The following TENM3 variants were observed in gnomAD, a reference collection of about 807,000 sequenced individuals.
TENM3 encodes the protein teneurin transmembrane protein 3.
In TENM3, 63 loss-of-function variants were observed where a neutral mutation model predicts 255.1. The observed-to-expected ratio is 0.25, with a 90% CI of 0.20 to 0.30. The LOEUF (loss-of-function observed/expected upper bound fraction) is 0.30. Among genes scored for constraint, TENM3 ranks in the 10% least tolerant of loss-of-function variants. The probability of loss-of-function intolerance (pLI) is 1.00; values close to 1 mark genes in which losing one functional copy is unlikely to be tolerated. For synonymous variants in TENM3, 1,306 were observed against 1,322.3 expected (o/e 0.99, Z 0.27); for missense variants, 2,929 against 3,461.1 (o/e 0.85, Z 3.86).
chr4:181,760,540 T>TG, the TENM3 span, among the ~76,000 whole-genome samples: 2 of 152,138 alleles, frequency 1.3e-5, no homozygotes, highest in African/African-American at 4.8e-5. Context: ...TCTCCTAAGT[T>TG]GGGCCCATTA....
In TENM3 at chr4:182,717,081, A is replaced by G. The variant is rs141211000; in HGVS notation, c.2368+2848A>G. 6.5e-3 allele frequency among the ~76,000 whole-genome samples: 993 copies of G among 152,242 alleles called. 13 individuals carry two copies. The highest frequency in any genetic ancestry group is 0.023 in the African/African-American group (936 of 41,554). On this transcript the variant is annotated intron_variant, in intron 13 of 27. Transcript: ENST00000511685. ...ACTAAAGAAGTATCAAAAAATTTTA[A>G]AAGAGACATCCATCATATAGGGAGA...
intron 1 of TENM3, among the ~76,000 whole-genome samples, chr4:182,288,790 C>T (rs1005236747): frequency 1.3e-5 from 2 of 152,254 alleles, no homozygotes; most frequent in African/African-American, 2.4e-5. Flanking sequence ...TCAGCCTGGA[C>T]GACTCATGGA....
At chr4:182,470,541 G>A (rs1165638538) in intron 3 of TENM3, among the ~76,000 whole-genome samples, 1 of 152,114 alleles carries the variant, frequency 6.6e-6, no homozygotes, top group Non-Finnish European at 1.5e-5. Flanking sequence ...AAAGGAGAGG[G>A]AAAAACATAC....
intron 3 of TENM3, among the ~76,000 whole-genome samples, chr4:182,551,712 A>C (rs903262294): frequency 4.6e-5 from 7 of 152,118 alleles, no homozygotes; most frequent in Admixed American, 2.0e-4. Context: ...CTAAAGTTGC[A>C]TCTTTTACTG....
At chr4:181,454,666 T>TA in the TENM3 span, among the ~76,000 whole-genome samples, 25 of 151,916 alleles carry the variant, frequency 1.6e-4, no homozygotes, top group African/African-American at 5.1e-4. Flanking sequence ...TCTATGTTTT[T>TA]TATACCATTT....
chr4:182,431,814 C>T (rs1051177171), intron 3 of TENM3, among the ~76,000 whole-genome samples: 57 of 151,972 alleles, frequency 3.8e-4, no homozygotes, highest in African/African-American at 1.3e-3. Context: ...TAGTGGTTTA[C>T]ACCTGTAATC....
chr4:181,703,454 G>A, the TENM3 span, among the ~76,000 whole-genome samples: 8 of 152,138 alleles, frequency 5.3e-5, no homozygotes, highest in East Asian at 1.9e-4. Context: ...TCTAAGAGGG[G>A]AACTAGATAA....
the TENM3 span, among the ~76,000 whole-genome samples, chr4:181,574,550 A>C: frequency 1.4e-4 from 22 of 152,140 alleles, no homozygotes; most frequent in Non-Finnish European, 3.1e-4. Flanking sequence ...AAAAAAAAAA[A>C]AAATGTCTTC....
chr4:182,249,068 C>T lies in TENM3; in HGVS notation c.-76+5592C>T, dbSNP rs578088044. Among the ~76,000 whole-genome samples, 12 of 152,212 alleles carry T rather than the reference C, an allele frequency of 7.9e-5. No individual in the cohort carries two copies. In the South Asian group the frequency reaches 2.5e-3, roughly 32 times the overall value. On this transcript the variant is annotated intron_variant, in intron 1 of 27. Transcript: ENST00000511685. ...CCCTGTGAGGTGTATAGTTTTATTC[C>T]GATTTTGCAGATGAAGAAATTAAGA...
chr4:181,806,997 C>G, the TENM3 span, among the ~76,000 whole-genome samples: 1 of 151,844 alleles, frequency 6.6e-6, no homozygotes, highest in Non-Finnish European at 1.5e-5. Flanking sequence ...ATTAGTCACT[C>G]TTAACTTTCA....
intron 3 of TENM3, among the ~76,000 whole-genome samples, chr4:182,350,583 G>A (rs1367261442): frequency 6.6e-6 from 1 of 152,150 alleles, no homozygotes; most frequent in Non-Finnish European, 1.5e-5. Flanking sequence ...ATGGGTGAAA[G>A]GTTATAAAAT....
intron 3 of TENM3, among the ~76,000 whole-genome samples, chr4:182,510,327 G>T (rs901196558): frequency 1.3e-5 from 2 of 151,950 alleles, no homozygotes; most frequent in Admixed American, 6.6e-5. Flanking sequence ...GCTCTAGCTC[G>T]CCTCTAGCCC....
chr4:181,718,874 C>T, the TENM3 span, among the ~76,000 whole-genome samples: 1 of 152,172 alleles, frequency 6.6e-6, no homozygotes, highest in Non-Finnish European at 1.5e-5. Flanking sequence ...ACAGACACCA[C>T]TTATGCATGG....
chr4:181,855,780 G>T, the TENM3 span, among the ~76,000 whole-genome samples: 1 of 150,906 alleles, frequency 6.6e-6, no homozygotes, highest in Non-Finnish European at 1.5e-5. Flanking sequence ...GTGCTATGAA[G>T]AAAGAAAGAA....
chr4:182,374,942 A>G (rs753562903), intron 3 of TENM3, among the ~76,000 whole-genome samples: 1 of 152,152 alleles, frequency 6.6e-6, no homozygotes, highest in Non-Finnish European at 1.5e-5. Flanking sequence ...AAGACATTGT[A>G]ATGGAGTCTT....
At chr4:181,649,539 G>GA in the TENM3 span, among the ~76,000 whole-genome samples, 1 of 152,158 alleles carries the variant, frequency 6.6e-6, no homozygotes, top group African/African-American at 2.4e-5. Flanking sequence ...AAAGAAGCTA[G>GA]AAAAAATCCT....
chr4:181,620,783 A>C, the TENM3 span, among the ~76,000 whole-genome samples: 14,885 of 152,218 alleles, frequency 0.098, 841 homozygotes, highest in South Asian at 0.21. Flanking sequence ...AGGAATTAAA[A>C]ATAAGGAATG....
chr4:181,480,895 T>G, the TENM3 span, among the ~76,000 whole-genome samples: 2,006 of 150,952 alleles, frequency 0.013, 47 homozygotes, highest in African/African-American at 0.045. Context: ...ATGATAAGGT[T>G]GAAAGGTCTT....
At chr4:181,996,009 C>G in the TENM3 span, among the ~76,000 whole-genome samples, 1 of 152,018 alleles carries the variant, frequency 6.6e-6, no homozygotes, top group South Asian at 2.1e-4. Flanking sequence ...ATAGGCTCCC[C>G]TCCTCCTCAG....
Sources: allele counts gnomAD v4.1 joint callset (sites outside exome capture counted in the v4.1 genomes callset), GRCh38; gene constraint gnomAD v4.1.1; transcripts MANE v1.5; gene names NCBI Gene and HGNC (gene_info 2026-07-23, HGNC 2026-07-21).